The following GRIK3 variants were observed in gnomAD, a reference collection of about 807,000 sequenced individuals.
GRIK3 encodes the protein glutamate receptor ionotropic, kainate 3.
Under a neutral mutation model 102.5 loss-of-function variants are expected in GRIK3, and 29 were observed. The observed-to-expected ratio is 0.28, with a 90% CI of 0.21 to 0.39. The LOEUF (loss-of-function observed/expected upper bound fraction) is 0.39. Among genes scored for constraint, GRIK3 ranks in the 10% least tolerant of loss-of-function variants. GRIK3 has a pLI of 1.00. For missense variants in GRIK3, 908 were observed against 1,252.4 expected (o/e 0.73, Z 4.15); for synonymous variants, 511 against 504.9 (o/e 1.01, Z -0.16).
At chr1:36,959,854 A>C in intron 1 of GRIK3, among the ~76,000 whole-genome samples, 1 of 83,892 alleles carries the variant, frequency 1.2e-5, no homozygotes, top group Non-Finnish European at 2.3e-5. Context: ...GTGCCCTGTG[A>C]GCCTGTGTGC....
At chr1:36,916,043 C>A (rs1570797261) in intron 1 of GRIK3, among the ~76,000 whole-genome samples, 1 of 152,082 alleles carries the variant, frequency 6.6e-6, no homozygotes, top group South Asian at 2.1e-4. Flanking sequence ...TGGCTTCAAC[C>A]AAAATGCTGA....
At chr1:36,974,693 G>A (rs1334439197) in intron 1 of GRIK3, among the ~76,000 whole-genome samples, 4 of 151,882 alleles carry the variant, frequency 2.6e-5, no homozygotes, top group East Asian at 3.9e-4. Context: ...CGAGCCAATC[G>A]GGAGGCTGAG....
At chr1:36,959,635 G>A (rs1388074676) in intron 1 of GRIK3, among the ~76,000 whole-genome samples, 2 of 133,172 alleles carry the variant, frequency 1.5e-5, no homozygotes, top group Non-Finnish European at 3.3e-5. Flanking sequence ...TGTGCCCTGT[G>A]AGCCTATGTG....
chr1:36,985,994 C>T (rs953450453), intron 1 of GRIK3, among the ~76,000 whole-genome samples: 2 of 151,758 alleles, frequency 1.3e-5, no homozygotes, highest in African/African-American at 4.8e-5. Context: ...GAGAGACATG[C>T]CCGCTCCAGG....
At chr1:36,978,643 G>A (rs751924818) in intron 1 of GRIK3, among the ~76,000 whole-genome samples, 3 of 152,188 alleles carry the variant, frequency 2.0e-5, no homozygotes, top group African/African-American at 7.2e-5. Flanking sequence ...GGATGGCCTC[G>A]TTTCATGACT....
chr1:37,034,401 C>A lies in GRIK3; in HGVS notation c.-293G>T, dbSNP rs909271058. On this transcript the variant is annotated 5_prime_UTR_variant, in exon 1 of 16. Coordinates refer to ENST00000373091, the MANE Select transcript of GRIK3 (RefSeq NM_000831.4). ...GCTCCGGCTCCGACTCGCGTCGGCT[C>A]GGCTCCCGCGCGGGCTCCCACCTGC... Among the ~76,000 whole-genome samples the A allele has an allele frequency of 6.6e-6, 1 of 150,940 alleles. No individual in the cohort carries two copies. The highest frequency in any genetic ancestry group is 2.4e-5 in the African/African-American group (1 of 41,306).
intron 1 of GRIK3, among the ~76,000 whole-genome samples, chr1:36,897,656 G>T (rs905197668): frequency 2.0e-5 from 3 of 152,134 alleles, no homozygotes; most frequent in African/African-American, 7.2e-5. Flanking sequence ...TGCTACTGAG[G>T]ATGTGGAGAA....
At chr1:36,809,200 TCATC>T (rs1204737658) in intron 13 of GRIK3, among the ~76,000 whole-genome samples, 16 of 151,038 alleles carry the variant, frequency 1.1e-4, no homozygotes, top group African/African-American at 3.2e-4. Flanking sequence ...CATCCACCCA[TCATC>T]CATCCATCCA....
intron 10 of GRIK3, among the ~76,000 whole-genome samples, chr1:36,838,474 C>T (rs576805624): frequency 3.4e-4 from 52 of 152,224 alleles, no homozygotes; most frequent in Middle Eastern, 3.4e-3. Context: ...TCTGTCTGAT[C>T]GTGTTTATTG....
Position 36,799,790 on chromosome 1 carries a change from A to G in GRIK3, c.*2061T>C, listed in dbSNP as rs935472110. On this transcript the variant is annotated 3_prime_UTR_variant, in exon 16 of 16. Coordinates refer to ENST00000373091, the MANE Select transcript of GRIK3 (RefSeq NM_000831.4). ...GATACACATACGCACGCATATGCACACATCAGATCCCCAAGGATTCACCTA... is the reference window on the plus strand; with the variant it reads ...GATACACATACGCACGCATATGCACGCATCAGATCCCCAAGGATTCACCTA... The G allele has an allele frequency of 6.6e-6, 1 of 152,172 alleles. No homozygotes were observed. The highest frequency in any genetic ancestry group is 1.5e-5 in the Non-Finnish European group (1 of 68,044). 9.4% of individuals were successfully genotyped at this position (152,172 alleles called of 1,614,324 possible). A position where few individuals can be genotyped will look rare whatever the true frequency, so the allele number is the denominator to read the frequency against.
chr1:36,861,103 C>T lies in GRIK3; in HGVS notation c.787-1086G>A, dbSNP rs114663591. ...CCTAGAAGTCTTAGTCTATGCTCCC[C>T]GCAACCCTACCTGAAATACCTATAA... On this transcript the variant is annotated intron_variant, in intron 5 of 15. Coordinates refer to ENST00000373091, the MANE Select transcript of GRIK3 (RefSeq NM_000831.4). Among the ~76,000 whole-genome samples, 986 of 152,308 alleles carry T rather than the reference C, an allele frequency of 6.5e-3. 15 individuals are homozygous for T. The highest frequency in any genetic ancestry group is 0.022 in the African/African-American group (914 of 41,568).
chr1:36,863,232 A>G (rs1252711037), intron 5 of GRIK3, among the ~76,000 whole-genome samples: 1 of 151,934 alleles, frequency 6.6e-6, no homozygotes, highest in African/African-American at 2.4e-5. Flanking sequence ...CCTCTTCCCT[A>G]TGATGACGCA....
Position 36,817,207 on chromosome 1 carries a change from G to C in GRIK3, c.1944C>G (p.Ile648Met). 6.2e-7 allele frequency: 1 copy of C among 1,613,928 alleles called. No individual in the cohort carries two copies. Among genetic ancestry groups the C allele is most frequent in the Non-Finnish European group, 8.5e-7 (1 of 1,179,808 alleles). ...GGTTGGCCGTGTAGGAAGAGATGAT[G>C]ATGAGCGTGAAGAACCACCAGATGC... ...IGGIWWFFTL[I>M]IISSYTANLA... Residue 648 changes from isoleucine to methionine, a missense_variant, in exon 13 of 16, where the codon ATC (isoleucine) becomes ATG (methionine). Transcript: ENST00000373091.
chr1:36,810,500 A>C (rs1642549876), intron 13 of GRIK3, among the ~76,000 whole-genome samples: 1 of 152,236 alleles, frequency 6.6e-6, no homozygotes, highest in African/African-American at 2.4e-5. Context: ...TCCTCAAAGA[A>C]GCAAATTGAT....
chr1:36,993,790 C>A (rs1410628997), intron 1 of GRIK3, among the ~76,000 whole-genome samples: 1 of 152,168 alleles, frequency 6.6e-6, no homozygotes, highest in Non-Finnish European at 1.5e-5. Flanking sequence ...AGGGGTGGCC[C>A]ATATCGAATA....
At position 36,798,290 on chromosome 1, in the gene GRIK3, G is replaced by C. The variant is rs2124169003; in HGVS notation, c.*3561C>G. On this transcript the variant is annotated 3_prime_UTR_variant, in exon 16 of 16. Coordinates refer to ENST00000373091, the MANE Select transcript of GRIK3 (RefSeq NM_000831.4). ...TTGGCCAGCTTGAGCAGGTGGAGAG[G>C]AGGCACTTGCATTTGGGGATGCAGT... 6.6e-6 allele frequency: 1 copy of C among 152,416 alleles called. No homozygotes were observed. The highest frequency in any genetic ancestry group is 2.1e-4 in the South Asian group (1 of 4,830). 9.4% of individuals were successfully genotyped at this position (152,416 alleles called of 1,614,324 possible).
At chr1:37,021,896 A>G (rs1642718990) in intron 1 of GRIK3, among the ~76,000 whole-genome samples, 1 of 152,164 alleles carries the variant, frequency 6.6e-6, no homozygotes, top group Non-Finnish European at 1.5e-5. Context: ...CCACTGATAC[A>G]AAGGAAAGTC....
At chr1:36,911,115 C>T (rs1450797553) in intron 1 of GRIK3, among the ~76,000 whole-genome samples, 1 of 151,506 alleles carries the variant, frequency 6.6e-6, no homozygotes, top group African/African-American at 2.4e-5. Context: ...TACAGACCCA[C>T]TGGGGAGAGA....
intron 1 of GRIK3, among the ~76,000 whole-genome samples, chr1:36,962,877 C>T (rs1166148969): frequency 1.6e-5 from 2 of 126,606 alleles, no homozygotes; most frequent in African/African-American, 6.7e-5. Context: ...GAGCGAGACT[C>T]CCTCTCAAAA....
Sources: allele counts gnomAD v4.1 joint callset (sites outside exome capture counted in the v4.1 genomes callset), GRCh38; gene constraint gnomAD v4.1.1; transcripts MANE v1.5; gene names NCBI Gene and HGNC (gene_info 2026-07-23, HGNC 2026-07-21).